Variants in RBM23 observed in about 807,000 individuals in gnomAD.
RBM23 encodes the protein RNA binding motif protein 23, also known as probable RNA-binding protein 23.
A neutral mutation model predicts 56.2 loss-of-function variants in RBM23; 53 were observed. The ratio of observed to expected loss-of-function variants is 0.94; its 90% CI spans 0.76 to 1.19. The LOEUF is 1.19. Ranked by LOEUF, RBM23 falls within the 50% of genes most tolerant of loss-of-function variation. RBM23 has a pLI of 0.00. For missense variants in RBM23, 642 were observed against 590.3 expected, an observed-to-expected ratio of 1.09 and a Z score of -0.91; for synonymous variants, 197 against 198.5, an observed-to-expected ratio of 0.99 and a Z score of 0.06.
chr14:22,905,102 C>A lies in RBM23; in HGVS notation c.718G>T (p.Ala240Ser), dbSNP rs2041298649. 6.2e-7 allele frequency: 1 copy of A among 1,614,164 alleles called. No homozygotes were observed. Among genetic ancestry groups the A allele is most frequent in the East Asian group, 2.2e-5 (1 of 44,890 alleles). ...TTTCTCAGCCTGCTCACCTGTGAAG[C>A]CTGTACAATGATAGGCACTCCCAGC... is the stretch of plus-strand genomic sequence containing the variant. Reference protein sequence around the residue: ...RLLGVPIIVQASQAEKNRLAA... With the variant: ...RLLGVPIIVQSSQAEKNRLAA... Residue 240 changes from alanine to serine, a missense_variant, in exon 8 of 14, where the codon GCT becomes TCT. Transcript: ENST00000359890.
At chr14:22,903,364 C>G (rs567898718) in intron 10 of RBM23, 1 of 985,464 alleles carries the variant, frequency 1.0e-6, no homozygotes, top group African/African-American at 1.7e-5. Context: ...CCCACAGAAG[C>G]CTTTCCATAT....
In RBM23 at chr14:22,899,978, G is replaced by A. The variant is rs1253000776; in HGVS notation, c.*1752C>T. 1 of 152,086 alleles carries A rather than the reference G, an allele frequency of 6.6e-6. No individual in the cohort carries two copies. Among genetic ancestry groups the A allele is most frequent in the Non-Finnish European group, 1.5e-5 (1 of 68,028 alleles). The allele number at this position is 152,086 out of a possible 1,614,324, so 9.4% of individuals were successfully genotyped here. On this transcript the variant is annotated 3_prime_UTR_variant, in exon 14 of 14. Coordinates refer to ENST00000359890, the MANE Select transcript of RBM23 (RefSeq NM_001077351.2). The stretch of plus-strand genomic sequence containing the variant: ...CCCTGAATTCAGGCCTTCTCATTTG[G>A]TCCCTAAGCTGGGTGAGACAGCCTC...
At position 22,903,762 on chromosome 14, in the gene RBM23, T is replaced by G. The variant is rs2041030474; in HGVS notation, c.930+499A>C. The G allele has an allele frequency of 3.0e-6, 3 of 1,000,916 alleles. No individual in the cohort carries two copies. In the African/African-American group the frequency reaches 5.2e-5, roughly 17 times the overall value. The allele number at this position is 1,000,916 out of a possible 1,614,324, so 62.0% of individuals were successfully genotyped here. A position where few individuals can be genotyped will look rare whatever the true frequency, so the allele number is the denominator to read the frequency against. On this transcript the variant is annotated intron_variant, in intron 10 of 13. Transcript: ENST00000359890. ...ATTTTGTTGGAATGTCAGGAAAAGG[T>G]GAAGCTTGCCCATAATTAGGTGGCC...
At position 22,901,845 on chromosome 14, in the gene RBM23, G is replaced by A; in HGVS notation, c.1285C>T (p.Gln429Ter). 1 of 1,614,200 alleles carries A rather than the reference G, an allele frequency of 6.2e-7. No individual in the cohort carries two copies. The highest frequency in any genetic ancestry group is 1.3e-5 in the African/African-American group (1 of 75,050). Residue 429 changes from glutamine to a stop codon, truncating the protein, a stop_gained, in exon 13 of 14, where the codon CAG becomes TAG. Coordinates refer to ENST00000359890, the MANE Select transcript of RBM23 (RefSeq NM_001077351.2). LOFTEE classifies it high-confidence loss of function. ...TGGGGGGTAAAGAGGCTGGAGAGCTGGAAACACTGGGAGGCAAGGTTCAGG... is the reference window on the plus strand; with the variant it reads ...TGGGGGGTAAAGAGGCTGGAGAGCTAGAAACACTGGGAGGCAAGGTTCAGG... The part of the protein sequence containing the change: ...PALNLASQCF[Q>*]LSSLFTPQTM
intron 10 of RBM23, chr14:22,903,307 T>C (rs1350057792): frequency 1.3e-5 from 13 of 985,350 alleles, no homozygotes; most frequent in African/African-American, 1.7e-5. Flanking sequence ...TTTGTTTAAG[T>C]GTCAAGGTTG....
rs1251415747 is a variant in RBM23, at chr14:22,893,429, T to C, written c.*8301A>G. 6.6e-6 allele frequency: 1 copy of C among 152,154 alleles called. No homozygotes were observed. Among genetic ancestry groups the C allele is most frequent in the Non-Finnish European group, 1.5e-5 (1 of 68,036 alleles). The allele number at this position is 152,154 out of a possible 1,614,324, so 9.4% of individuals were successfully genotyped here. A position where few individuals can be genotyped will look rare whatever the true frequency, so the allele number is the denominator to read the frequency against. The stretch of plus-strand genomic sequence containing the variant: ...CCCGTCAAATAGCTTGCAATTAAGC[T>C]GGGGAGATGGATGAGGTGATACAGC... On this transcript the variant is annotated 3_prime_UTR_variant, in exon 14 of 14. Transcript: ENST00000359890.
chr14:22,912,098 A>G (rs1188121488), intron 1 of RBM23, among the ~76,000 whole-genome samples: 1 of 152,224 alleles, frequency 6.6e-6, no homozygotes, highest in Non-Finnish European at 1.5e-5. Flanking sequence ...TCTACTGTTC[A>G]AAATTCTGAA....
intron 1 of RBM23, among the ~76,000 whole-genome samples, chr14:22,915,221 G>A (rs2043275468): frequency 6.6e-6 from 1 of 152,132 alleles, no homozygotes; most frequent in African/African-American, 2.4e-5. Flanking sequence ...CAAATTTAAG[G>A]CTTAAATGGA....
intron 1 of RBM23, among the ~76,000 whole-genome samples, chr14:22,913,143 G>A (rs761987787): frequency 7.9e-5 from 12 of 151,568 alleles, no homozygotes; most frequent in South Asian, 4.2e-4. Context: ...GGCCGGGCGC[G>A]GTGGCTCATG....
rs1163636641 is a variant in RBM23, at chr14:22,903,092, T to G, written c.931-710A>C. The stretch of plus-strand genomic sequence containing the variant: ...CCACCGCGCCTGGCCAAATTTTAGT[T>G]AAGTACTAGGAATCTGGAACTCCTA... On this transcript the variant is annotated intron_variant, in intron 10 of 13. Coordinates refer to ENST00000359890, the MANE Select transcript of RBM23 (RefSeq NM_001077351.2). 4.1e-6 allele frequency: 4 copies of G among 985,294 alleles called. No homozygotes were observed. The East Asian group carries it at 3.4e-4, about 84-fold the overall frequency. The allele number at this position is 985,294 out of a possible 1,614,324, so 61.0% of individuals were successfully genotyped here.
intron 3 of RBM23, 36 bp downstream of exon 3, chr14:22,909,447 C>T (rs761279553): frequency 6.4e-7 from 1 of 1,557,322 alleles, no homozygotes; most frequent in East Asian, 2.2e-5. Flanking sequence ...TTTCCCTTCC[C>T]CAAGTTGCCA....
chr14:22,901,998 T>G lies in RBM23; in HGVS notation c.1228A>C (p.Asn410His). The change falls in exon 12 of 14, where the codon AAT becomes CAT. Residue 410 changes from asparagine (N) to histidine (H), a missense_variant. By Grantham distance (68) the Asn-to-His change is moderately conservative. Transcript: ENST00000359890. The stretch of plus-strand genomic sequence containing the variant: ...AGACTACCAGTCAGAGCTGCTGGAT[T>G]CAGGGCCCCCAAGGGAACTGCTCCA... ...LNGAVPLGAL[N>H]PAALTALSPA... is the part of the protein sequence containing the mutation. 4 of 1,612,018 alleles carry G rather than the reference T, an allele frequency of 2.5e-6. No individual in the cohort carries two copies. The highest frequency in any genetic ancestry group is 3.4e-6 in the Non-Finnish European group (4 of 1,178,544).
At chr14:22,912,482 C>A (rs1283933131) in intron 1 of RBM23, among the ~76,000 whole-genome samples, 1 of 152,172 alleles carries the variant, frequency 6.6e-6, no homozygotes, top group Non-Finnish European at 1.5e-5. Context: ...CATCTAGAAA[C>A]TGCCTCTCCC....
intron 1 of RBM23, among the ~76,000 whole-genome samples, chr14:22,915,707 GCTGGTCTCAAACTCC>G (rs1267436360): frequency 3.3e-5 from 5 of 152,040 alleles, no homozygotes; most frequent in African/African-American, 1.2e-4. Flanking sequence ...TGTTGGCCAG[GCTGGTCTCAAACTCC>G]TGACCTCAGG....
chr14:22,904,468 C>T, intron 9 of RBM23, 142 bp from the exon 10 acceptor site: 3 of 709,984 alleles, frequency 4.2e-6, no homozygotes, highest in South Asian at 1.9e-5. Context: ...AGAGTGAGAC[C>T]TTGTCTCGGA....
chr14:22,901,419 G>A lies in RBM23; in HGVS notation c.*311C>T, dbSNP rs943148797. The stretch of plus-strand genomic sequence containing the variant: ...GCCTTCCCAATGGGGGAGAAATTGA[G>A]GAATCACTAAGGTGTTGGAAAGGGC... On this transcript the variant is annotated 3_prime_UTR_variant, in exon 14 of 14. Coordinates refer to ENST00000359890, the MANE Select transcript of RBM23 (RefSeq NM_001077351.2). 6.0e-6 allele frequency: 3 copies of A among 503,364 alleles called. No homozygotes were observed. The South Asian group carries it at 8.8e-5, about 15-fold the overall frequency. 31.2% of individuals were successfully genotyped at this position (503,364 alleles called of 1,614,324 possible).
chr14:22,915,684 CAA>C (rs2043358701), intron 1 of RBM23, among the ~76,000 whole-genome samples: 1 of 151,920 alleles, frequency 6.6e-6, no homozygotes. Flanking sequence ...TTAGTAGAGA[CAA>C]AGTTTCACCA....
chr14:22,915,435 G>A (rs2043305975), intron 1 of RBM23, among the ~76,000 whole-genome samples: 1 of 151,442 alleles, frequency 6.6e-6, no homozygotes, highest in Non-Finnish European at 1.5e-5. Context: ...TCGACCTCAG[G>A]TGATCCGACC....
intron 1 of RBM23, among the ~76,000 whole-genome samples, chr14:22,912,523 GA>G (rs2042704833): frequency 6.6e-6 from 1 of 151,938 alleles, no homozygotes; most frequent in African/African-American, 2.4e-5. Flanking sequence ...TGTCAAATAA[GA>G]AAAACAGAAA....
Sources: gnomAD v4.1 joint callset for allele counts (sites outside exome capture counted in the v4.1 genomes callset) on GRCh38, gnomAD v4.1.1 for gene constraint, MANE v1.5 for transcripts, NCBI Gene and HGNC (gene_info 2026-07-23, HGNC 2026-07-21) for gene names.